Variants in NRG2 observed in about 807,000 individuals in gnomAD.
NRG2 encodes neuregulin 2, also known as pro-neuregulin-2, membrane-bound isoform.
Under a neutral mutation model 73.9 loss-of-function variants are expected in NRG2, and 27 were observed. The ratio of observed to expected loss-of-function variants is 0.37; its 90% CI spans 0.27 to 0.50. The LOEUF (loss-of-function observed/expected upper bound fraction) is 0.50, where lower values mean the gene tolerates loss of function less well. NRG2 is among the 20% of genes least tolerant of loss of function. NRG2 has a pLI of 0.96. For synonymous variants in NRG2, 532 were observed against 541.0 expected (o/e 0.98, Z 0.23); for missense variants, 1,126 against 1,210.1 (o/e 0.93, Z 1.03).
chr5:140,019,132 T>G (rs1302030891), intron 1 of NRG2, among the ~76,000 whole-genome samples: 1 of 152,164 alleles, frequency 6.6e-6, no homozygotes, highest in Non-Finnish European at 1.5e-5. Context: ...GTGCTGCCAG[T>G]GCTGCCCTAG....
intron 3 of NRG2, 137 bp from the exon 4 acceptor site, chr5:139,871,978 G>T (rs1762883500): frequency 8.1e-7 from 1 of 1,233,314 alleles, no homozygotes; most frequent in Non-Finnish European, 1.1e-6. Flanking sequence ...GAGGTCTGGT[G>T]GTCCCTTCTA....
At position 139,887,483 on chromosome 5, in the gene NRG2, C is replaced by T. The variant is rs759893494; in HGVS notation, c.729G>A (p.Lys243=). 5 of 1,613,182 alleles carry T rather than the reference C, an allele frequency of 3.1e-6. No homozygotes were observed. Among genetic ancestry groups the T allele is most frequent in the Non-Finnish European group, 3.4e-6 (4 of 1,179,380 alleles). ...TCTCACCCACCTGTCCCGTCTGGCT[C>T]TTCATCTTCTTCAACTTGGGCCGGG... ...CATRPKLKKM[K]SQTGQVGEKQ... The change falls in exon 2 of 10, where the codon AAG becomes AAA. Residue 243 remains lysine (K), a synonymous_variant. Transcript: ENST00000361474. This position sits in a 1 kb window ranked among gnomAD's most constrained non-coding sequence, Gnocchi z 4.5.
At chr5:139,974,980 C>T (rs1756274873) in intron 1 of NRG2, among the ~76,000 whole-genome samples, 1 of 152,238 alleles carries the variant, frequency 6.6e-6, no homozygotes, top group Non-Finnish European at 1.5e-5. Context: ...CATGCGCCCC[C>T]TGTGTGGGCT....
Position 139,848,425 on chromosome 5 carries a change from G to A in NRG2, c.2045C>T (p.Ala682Val). Residue 682 changes from alanine to valine, a missense_variant, in exon 10 of 10, where the codon GCG (alanine) becomes GTG (valine). This residue lies in a region of NRG2 where 402 missense variants were observed against 357.8 expected (regional missense o/e 1.12). Transcript: ENST00000361474. ...GGTCCCGCGCCGCGGTCCGGGCCCC[G>A]CCGCGGGGTAATAGTAGCTGTCATA... ...RSYDSYYYPA[A>V]GPGPRRGTCA... is the part of the protein sequence containing the mutation. 1.6e-6 allele frequency: 2 copies of A among 1,285,694 alleles called. No individual in the cohort carries two copies. Among genetic ancestry groups the A allele is most frequent in the Non-Finnish European group, 2.0e-6 (2 of 1,024,972 alleles). The allele number at this position is 1,285,694 out of a possible 1,614,324, so 79.6% of individuals were successfully genotyped here.
chr5:139,863,217 A>T (rs977335654), intron 5 of NRG2, among the ~76,000 whole-genome samples: 1 of 152,266 alleles, frequency 6.6e-6, no homozygotes, highest in Non-Finnish European at 1.5e-5. Context: ...AGAGCTAGTA[A>T]GCTCAGCAGC....
At chr5:139,960,029 C>T (rs1754941123) in intron 1 of NRG2, among the ~76,000 whole-genome samples, 1 of 152,176 alleles carries the variant, frequency 6.6e-6, no homozygotes, top group Non-Finnish European at 1.5e-5. Context: ...GAATCTCCTC[C>T]ACAACATCCC....
intron 1 of NRG2, among the ~76,000 whole-genome samples, chr5:139,932,884 T>C (rs946027112): frequency 2.0e-5 from 3 of 152,102 alleles, no homozygotes; most frequent in Non-Finnish European, 4.4e-5. Context: ...AATAAACTAG[T>C]ATTTATTTAA....
At chr5:139,923,882 C>A (rs1257983649) in intron 1 of NRG2, among the ~76,000 whole-genome samples, 1 of 152,182 alleles carries the variant, frequency 6.6e-6, no homozygotes, top group African/African-American at 2.4e-5. Flanking sequence ...ACTACCCAAA[C>A]AATACCAGGT....
chr5:139,852,411 A>T lies in NRG2; in HGVS notation c.1544+21T>A. 2 of 1,608,386 alleles carry T rather than the reference A, an allele frequency of 1.2e-6. No homozygotes were observed. The highest frequency in any genetic ancestry group is 1.1e-5 in the South Asian group (1 of 90,012). On this transcript the variant is annotated intron_variant, in intron 8 of 9. Coordinates refer to ENST00000361474, the MANE Select transcript of NRG2 (RefSeq NM_004883.3). This position sits in a 1 kb window ranked among gnomAD's most constrained non-coding sequence, Gnocchi z 4.4. ...GAAGTATGTGAGTCTACAAGTTTCC[A>T]TGGGCCTTGGTGGTGCCTACCTGTG...
chr5:139,896,620 C>A (rs893686095), intron 1 of NRG2, among the ~76,000 whole-genome samples: 6 of 152,336 alleles, frequency 3.9e-5, no homozygotes, highest in Admixed American at 6.5e-5. Flanking sequence ...TCTCCATCTT[C>A]TCTTCCAAGA....
chr5:139,962,255 AACGGGGG>A (rs1755125538), intron 1 of NRG2, among the ~76,000 whole-genome samples: 1 of 152,206 alleles, frequency 6.6e-6, no homozygotes, highest in Admixed American at 6.5e-5. Flanking sequence ...CGAGTGCCAG[AACGGGGG>A]ATAGCTAAAG....
At position 139,865,036 on chromosome 5, in the gene NRG2, G is replaced by T; in HGVS notation, c.1189+513C>A. 8.0e-7 allele frequency: 1 copy of T among 1,249,166 alleles called. No individual in the cohort carries two copies. The highest frequency in any genetic ancestry group is 1.2e-6 in the Non-Finnish European group (1 of 848,130). The allele number at this position is 1,249,166 out of a possible 1,614,324, so 77.4% of individuals were successfully genotyped here. A position where few individuals can be genotyped will look rare whatever the true frequency, so the allele number is the denominator to read the frequency against. ...ACCCTCTACATCTCCCCCTAGTCTT[G>T]CTAAGCAAGGCCCCATCCCTCCCCA... is the stretch of plus-strand genomic sequence containing the variant. On this transcript the variant is annotated intron_variant, in intron 5 of 9. Coordinates refer to ENST00000361474, the MANE Select transcript of NRG2 (RefSeq NM_004883.3). This position sits in a 1 kb window ranked among gnomAD's most constrained non-coding sequence, Gnocchi z 5.2.
chr5:139,936,800 T>A (rs1364866321), intron 1 of NRG2, among the ~76,000 whole-genome samples: 3 of 152,158 alleles, frequency 2.0e-5, no homozygotes, highest in Non-Finnish European at 4.4e-5. Flanking sequence ...TTTTTTAAAT[T>A]TTCATTACTA....
At chr5:139,930,475 C>T (rs771432415) in intron 1 of NRG2, among the ~76,000 whole-genome samples, 6 of 152,186 alleles carry the variant, frequency 3.9e-5, no homozygotes, top group South Asian at 2.1e-4. Context: ...CACTCCTCCA[C>T]GCCTCAGAGA....
rs894467485 is a variant in NRG2, at chr5:139,894,218, G to T, written c.701-6707C>A. 1.3e-5 allele frequency among the ~76,000 whole-genome samples: 2 copies of T among 152,170 alleles called. No homozygotes were observed. Among genetic ancestry groups the T allele is most frequent in the African/African-American group, 4.8e-5 (2 of 41,444 alleles). On this transcript the variant is annotated intron_variant, in intron 1 of 9. Transcript: ENST00000361474. The surrounding 1 kb of genome is among the most constrained non-coding windows in gnomAD (Gnocchi z 5.0). ...CTCTGCCTCCCTCCCGGCACCCAGC[G>T]GGCAGGGGCAGCAGGCTCTTAAAAG...
chr5:139,934,985 C>T (rs1397024264), intron 1 of NRG2, among the ~76,000 whole-genome samples: 2 of 151,974 alleles, frequency 1.3e-5, no homozygotes, highest in East Asian at 1.9e-4. Flanking sequence ...GCCAAAATGG[C>T]GAAACCCCGT....
chr5:139,865,130 T>C lies in NRG2; in HGVS notation c.1189+419A>G. 1.2e-6 allele frequency: 2 copies of C among 1,613,794 alleles called. No individual in the cohort carries two copies. Among genetic ancestry groups the C allele is most frequent in the Non-Finnish European group, 1.7e-6 (2 of 1,179,728 alleles). On this transcript the variant is annotated intron_variant, in intron 5 of 9. Transcript: ENST00000361474. The surrounding 1 kb of genome is among the most constrained non-coding windows in gnomAD (Gnocchi z 5.2). Reference sequence around the variant, plus strand: ...AGAGACATACTGGAGAAGTTGACCATTGCGAACTGCTGACACCTGTCCCCG... The same window carrying C: ...AGAGACATACTGGAGAAGTTGACCACTGCGAACTGCTGACACCTGTCCCCG...
chr5:140,038,192 A>G (rs1761651242), intron 1 of NRG2, among the ~76,000 whole-genome samples: 1 of 152,196 alleles, frequency 6.6e-6, no homozygotes, highest in Non-Finnish European at 1.5e-5. Context: ...AAAACAGGAT[A>G]GTAAAGGGGA....
At chr5:140,033,338 G>A (rs747576851) in intron 1 of NRG2, among the ~76,000 whole-genome samples, 47 of 152,314 alleles carry the variant, frequency 3.1e-4, no homozygotes, top group Middle Eastern at 3.4e-3. Context: ...AAGACCTACC[G>A]AAGTCAAAGA....
Sources: allele counts gnomAD v4.1 joint callset (sites outside exome capture counted in the v4.1 genomes callset), GRCh38; gene constraint gnomAD v4.1.1; regional missense constraint gnomAD v4.1.1; non-coding constraint Gnocchi (gnomAD v3.1); transcripts MANE v1.5; gene names NCBI Gene and HGNC (gene_info 2026-07-23, HGNC 2026-07-21).